NCAM2: variants seen among roughly 807,000 people sequenced by gnomAD.
The protein encoded by NCAM2 is neural cell adhesion molecule 2.
NCAM2 carries 30 observed loss-of-function variants against 98.1 expected under a neutral mutation model. The ratio of observed to expected loss-of-function variants is 0.31; its 90% CI spans 0.23 to 0.41. The LOEUF (loss-of-function observed/expected upper bound fraction) is 0.41. NCAM2 is among the 10% of genes least tolerant of loss of function. The pLI is 1.00. For missense variants in NCAM2, 867 were observed against 1,005.8 expected (o/e 0.86, Z 1.87); for synonymous variants, 368 against 342.4 (o/e 1.07, Z -0.83).
intron 1 of NCAM2, among the ~76,000 whole-genome samples, chr21:21,006,913 G>T (rs2064123232): frequency 1.3e-5 from 2 of 152,278 alleles, no homozygotes; most frequent in African/African-American, 2.4e-5. Flanking sequence ...GCAAAAGCTA[G>T]GTGCAAATAC....
intron 15 of NCAM2, among the ~76,000 whole-genome samples, chr21:21,494,500 A>G (rs1987076241): frequency 2.0e-5 from 3 of 151,934 alleles, no homozygotes; most frequent in Non-Finnish European, 4.4e-5. Context: ...TGCCTTTTCT[A>G]CTAATCAATA....
intron 2 of NCAM2, among the ~76,000 whole-genome samples, chr21:21,283,163 ACTTT>A (rs903546724): frequency 4.0e-5 from 6 of 151,878 alleles, no homozygotes; most frequent in African/African-American, 1.4e-4. Flanking sequence ...GATTCACTAA[ACTTT>A]CTTTCATACT....
chr21:21,257,360 T>G (rs966670630), intron 1 of NCAM2, among the ~76,000 whole-genome samples: 1 of 152,144 alleles, frequency 6.6e-6, no homozygotes, highest in Non-Finnish European at 1.5e-5. Context: ...TTATCCCCCA[T>G]TCTGAATGGA....
At chr21:21,015,637 T>A (rs577463264) in intron 1 of NCAM2, among the ~76,000 whole-genome samples, 147 of 152,304 alleles carry the variant, frequency 9.7e-4, no homozygotes, top group African/African-American at 3.4e-3. Context: ...ATATGCTTTA[T>A]TGTATTCTGG....
intron 1 of NCAM2, among the ~76,000 whole-genome samples, chr21:21,066,017 C>A (rs148387412): frequency 6.6e-6 from 1 of 152,228 alleles, no homozygotes; most frequent in East Asian, 1.9e-4. Flanking sequence ...TCCAGATTTA[C>A]TGAGCAGGGA....
In NCAM2 at chr21:21,461,062, A is replaced by G. The variant is rs539681227; in HGVS notation, c.1655-5544A>G. ...TTATCTGACATCATGAAGATATTTT[A>G]TGAATATTTTATAAAAATCTACGCA... On this transcript the variant is annotated intron_variant, in intron 12 of 17. Transcript: ENST00000400546. 2.0e-5 allele frequency among the ~76,000 whole-genome samples: 3 copies of G among 152,030 alleles called. No homozygotes were observed. In the South Asian group the frequency reaches 6.2e-4, roughly 31 times the overall value.
chr21:21,460,530 G>T (rs1342192448), intron 12 of NCAM2, among the ~76,000 whole-genome samples: 1 of 151,968 alleles, frequency 6.6e-6, no homozygotes, highest in Non-Finnish European at 1.5e-5. Flanking sequence ...CAAGAGCAGA[G>T]TGCATTTGTA....
rs532218887 is a variant in NCAM2, at chr21:21,283,736, C to T, written c.131-458C>T. On this transcript the variant is annotated intron_variant, in intron 2 of 17. Coordinates refer to ENST00000400546, the MANE Select transcript of NCAM2 (RefSeq NM_004540.5). ...TGAAAGATTTACATTTTTGTAAGCT[C>T]GACATTTTCAGAGATTTAAGTGCTA... Among the ~76,000 whole-genome samples, 16 of 151,854 alleles carry T rather than the reference C, an allele frequency of 1.1e-4. No homozygotes were observed. The South Asian group carries it at 3.1e-3, about 30-fold the overall frequency.
Position 21,432,177 on chromosome 21 carries a change from A to G in NCAM2, c.1550A>G (p.Asn517Ser), listed in dbSNP as rs1569057123. The G allele has an allele frequency of 6.2e-7, 1 of 1,614,132 alleles. No homozygotes were observed. Among genetic ancestry groups the G allele is most frequent in the Non-Finnish European group, 8.5e-7 (1 of 1,179,974 alleles). ...LSQTTAKVSFNKPDSHGGVPI... is the reference protein window; with the variant it reads ...LSQTTAKVSFSKPDSHGGVPI... ...CAGACCACGGCCAAGGTTTCCTTCA[A>G]CAAACCGGACTCCCATGGAGGTGTA... Residue 517 changes from asparagine (N) to serine (S), a missense_variant, in exon 12 of 18, where the codon AAC (asparagine) becomes AGC (serine). Coordinates refer to ENST00000400546, the MANE Select transcript of NCAM2 (RefSeq NM_004540.5).
At chr21:21,350,233 TA>T (rs969345397) in intron 8 of NCAM2, among the ~76,000 whole-genome samples, 14 of 151,824 alleles carry the variant, frequency 9.2e-5, no homozygotes, top group East Asian at 1.9e-4. Flanking sequence ...AATTAAAAAT[TA>T]AAAAAAATCT....
chr21:21,511,503 G>A (rs1200263434), intron 16 of NCAM2, among the ~76,000 whole-genome samples: 2 of 151,878 alleles, frequency 1.3e-5, no homozygotes, highest in Non-Finnish European at 2.9e-5. Flanking sequence ...ATCCATGGAT[G>A]GACACTTAGG....
intron 11 of NCAM2, among the ~76,000 whole-genome samples, chr21:21,424,039 A>G (rs1005944160): frequency 4.6e-5 from 7 of 152,164 alleles, no homozygotes; most frequent in Admixed American, 2.6e-4. Context: ...TTCATTTGGT[A>G]TCACACTTTC....
At chr21:21,456,922 T>G (rs1018466733) in intron 12 of NCAM2, among the ~76,000 whole-genome samples, 1 of 152,168 alleles carries the variant, frequency 6.6e-6, no homozygotes, top group Non-Finnish European at 1.5e-5. Flanking sequence ...AACTTGGACT[T>G]CTCAGGCTCT....
intron 1 of NCAM2, among the ~76,000 whole-genome samples, chr21:21,104,780 G>A (rs1601381178): frequency 6.6e-6 from 1 of 152,066 alleles, no homozygotes; most frequent in Non-Finnish European, 1.5e-5. Context: ...ATTGATTTGC[G>A]TGATCAATAC....
chr21:21,334,225 A>T (rs574029828), intron 6 of NCAM2, among the ~76,000 whole-genome samples: 113 of 152,030 alleles, frequency 7.4e-4, no homozygotes, highest in Non-Finnish European at 1.4e-3. Flanking sequence ...GACCCACCAC[A>T]CCCGACCCAT....
In NCAM2 at chr21:21,531,240, A is replaced by G. The variant is rs143989057; in HGVS notation, c.2283-3297A>G. ...TGCTATTTATTACATGAAAGTTTAT[A>G]TTTTTATCTGCAAGTTTATGAATTT... is the stretch of plus-strand genomic sequence containing the variant. On this transcript the variant is annotated intron_variant, in intron 16 of 17. Coordinates refer to ENST00000400546, the MANE Select transcript of NCAM2 (RefSeq NM_004540.5). 7.2e-5 allele frequency among the ~76,000 whole-genome samples: 11 copies of G among 152,170 alleles called. No homozygotes were observed. The East Asian group carries it at 2.1e-3, about 29-fold the overall frequency.
intron 1 of NCAM2, among the ~76,000 whole-genome samples, chr21:21,230,213 T>TA (rs1429301212): frequency 1.3e-5 from 2 of 151,238 alleles, no homozygotes; most frequent in Non-Finnish European, 3.0e-5. Flanking sequence ...TATTTTTAAT[T>TA]ACTCTATAAT....
chr21:21,103,005 A>T (rs1357223478), intron 1 of NCAM2, among the ~76,000 whole-genome samples: 1 of 152,044 alleles, frequency 6.6e-6, no homozygotes, highest in Admixed American at 6.6e-5. Context: ...TAGTCTTTTT[A>T]TGAAAGGATT....
chr21:21,356,574 T>C (rs1295891883), intron 8 of NCAM2, among the ~76,000 whole-genome samples: 2 of 152,220 alleles, frequency 1.3e-5, no homozygotes, highest in Non-Finnish European at 2.9e-5. Context: ...TAATCAGTCA[T>C]AGTAATTTAT....
Sources: gnomAD v4.1 joint callset for allele counts (sites outside exome capture counted in the v4.1 genomes callset) on GRCh38, gnomAD v4.1.1 for gene constraint, MANE v1.5 for transcripts, NCBI Gene and HGNC (gene_info 2026-07-23, HGNC 2026-07-21) for gene names.